Variants in CATSPER3 observed in about 807,000 individuals in gnomAD.
The protein encoded by CATSPER3 is cation channel sperm associated 3.
In CATSPER3, 23 loss-of-function variants were observed where a neutral mutation model predicts 36.6. That is an observed-to-expected ratio of 0.63 (90% CI 0.45 to 0.89). CATSPER3 has a LOEUF of 0.89. CATSPER3 is among the 40% of genes least tolerant of loss of function. CATSPER3 has a pLI of 0.00. For missense variants in CATSPER3, 474 were observed against 503.9 expected (o/e 0.94, Z 0.57); for synonymous variants, 172 against 184.1 (o/e 0.93, Z 0.53).
intron 2 of CATSPER3, among the ~76,000 whole-genome samples, chr5:134,971,445 G>A (rs544742360): frequency 6.6e-6 from 1 of 152,036 alleles, no homozygotes; most frequent in African/African-American, 2.4e-5. Context: ...AAAAACCAGA[G>A]CAACTAGGTA....
chr5:135,000,347 T>C (rs951107720), intron 3 of CATSPER3, among the ~76,000 whole-genome samples: 12 of 152,250 alleles, frequency 7.9e-5, no homozygotes, highest in South Asian at 2.1e-4. Flanking sequence ...GATTTTTGCA[T>C]TGATGTTCAT....
intron 3 of CATSPER3, among the ~76,000 whole-genome samples, chr5:135,007,506 G>A (rs1053163202): frequency 1.3e-5 from 2 of 152,182 alleles, no homozygotes; most frequent in African/African-American, 4.8e-5. Context: ...GGACCAGGGA[G>A]CCACATTCCT....
chr5:134,980,689 A>G (rs1190455515), intron 2 of CATSPER3, among the ~76,000 whole-genome samples: 3 of 151,702 alleles, frequency 2.0e-5, no homozygotes, highest in Non-Finnish European at 4.4e-5. Flanking sequence ...TCAGCCTCCC[A>G]AAGTGCTGAG....
In CATSPER3 at chr5:134,999,609, T is replaced by G. The variant is rs140418102; in HGVS notation, c.492+3097T>G. On this transcript the variant is annotated intron_variant, in intron 3 of 7. Transcript: ENST00000282611. Reference sequence around the variant, plus strand: ...CTGGGCAGTGGTTTGTAGTTCTCCTTGAAGAAGTCCTTCACATCCCTTGTA... The same window carrying G: ...CTGGGCAGTGGTTTGTAGTTCTCCTGGAAGAAGTCCTTCACATCCCTTGTA... Among the ~76,000 whole-genome samples, 124 of 152,372 alleles carry G rather than the reference T, an allele frequency of 8.1e-4. No homozygotes were observed. The East Asian group carries it at 0.024, about 29-fold the overall frequency.
chr5:135,005,976 G>A (rs1369972667), intron 3 of CATSPER3, among the ~76,000 whole-genome samples: 2 of 152,204 alleles, frequency 1.3e-5, no homozygotes, highest in African/African-American at 2.4e-5. Context: ...CAGGGCTGTG[G>A]CTTGATCCAG....
intron 2 of CATSPER3, among the ~76,000 whole-genome samples, chr5:134,985,850 GACTGTGTC>G (rs2149548293): frequency 6.6e-6 from 1 of 151,804 alleles, no homozygotes; most frequent in South Asian, 2.1e-4. Context: ...AGTGAGCCAT[GACTGTGTC>G]ACTGCACTCC....
At chr5:134,994,533 C>A (rs546498324) in intron 2 of CATSPER3, among the ~76,000 whole-genome samples, 61 of 152,206 alleles carry the variant, frequency 4.0e-4, no homozygotes, top group Non-Finnish European at 7.9e-4. Flanking sequence ...TCCTACAACG[C>A]AGTAATTCCA....
At chr5:134,995,845 T>C (rs1176745633) in intron 2 of CATSPER3, 2 of 254,036 alleles carry the variant, frequency 7.9e-6, no homozygotes, top group Non-Finnish European at 1.6e-5. Flanking sequence ...CAGAAACAGA[T>C]TGAATATGTA....
At chr5:135,009,615 G>GT in intron 6 of CATSPER3, 125 bp downstream of exon 6, 28 of 52,872 alleles carry the variant, frequency 5.3e-4, no homozygotes, top group Non-Finnish European at 8.5e-4. Context: ...TGCAGCCTTA[G>GT]GTAAGACAGC....
chr5:134,967,948 T>G lies in CATSPER3; in HGVS notation c.-44T>G. The G allele has an allele frequency of 7.0e-7, 1 of 1,428,636 alleles. No homozygotes were observed. Among genetic ancestry groups the G allele is most frequent in the Admixed American group, 1.7e-5 (1 of 59,786 alleles). 88.5% of individuals were successfully genotyped at this position (1,428,636 alleles called of 1,614,324 possible). A position where few individuals can be genotyped will look rare whatever the true frequency, so the allele number is the denominator to read the frequency against. ...GGAAAATCCCTAAGCAGAGATTTTC[T>G]GTTGGATGCTAAAAGCAAGGAATAA... On this transcript the variant is annotated 5_prime_UTR_variant, in exon 1 of 8. Transcript: ENST00000282611.
In CATSPER3 at chr5:134,969,921, C is replaced by T. The variant is rs758393074; in HGVS notation, c.99-18C>T. The T allele has an allele frequency of 6.2e-7, 1 of 1,613,932 alleles. No homozygotes were observed. Among genetic ancestry groups the T allele is most frequent in the Non-Finnish European group, 8.5e-7 (1 of 1,179,860 alleles). The stretch of plus-strand genomic sequence containing the variant: ...TCTATTGTGCTGTAACCATACTTCA[C>T]ATTCAACTTTTTGACAGGAGGAACG... On this transcript the variant is annotated intron_variant, in intron 1 of 7. Coordinates refer to ENST00000282611, the MANE Select transcript of CATSPER3 (RefSeq NM_178019.3).
chr5:134,973,177 C>A (rs897811624), intron 2 of CATSPER3, among the ~76,000 whole-genome samples: 1 of 152,116 alleles, frequency 6.6e-6, no homozygotes, highest in Non-Finnish European at 1.5e-5. Context: ...GAAGCATCAA[C>A]ATTAGGACTG....
chr5:135,010,515 A>T lies in CATSPER3; in HGVS notation c.1079A>T (p.Asp360Val). ...DIYFSTLDYQ[D>V]TTVHKLQELY... ...TACTTTTCCACTCTGGACTACCAGGACACAACTGTCCACAAGTCAGTTCCA... is the reference window on the plus strand; with the variant it reads ...TACTTTTCCACTCTGGACTACCAGGTCACAACTGTCCACAAGTCAGTTCCA... Residue 360 changes from aspartate to valine, a missense_variant, in exon 7 of 8, where the codon GAC becomes GTC. Coordinates refer to ENST00000282611, the MANE Select transcript of CATSPER3 (RefSeq NM_178019.3). 6.2e-7 allele frequency: 1 copy of T among 1,614,146 alleles called. No homozygotes were observed. Among genetic ancestry groups the T allele is most frequent in the Non-Finnish European group, 8.5e-7 (1 of 1,179,984 alleles).
At position 134,996,465 on chromosome 5, in the gene CATSPER3, C is replaced by T; in HGVS notation, c.445C>T (p.Gln149Ter). The change falls in exon 3 of 8, where the codon CAG becomes TAG. Residue 149 changes from glutamine (Q) to a stop codon, truncating the protein, a stop_gained. Coordinates refer to ENST00000282611, the MANE Select transcript of CATSPER3 (RefSeq NM_178019.3). LOFTEE classifies it high-confidence loss of function. The part of the protein sequence containing the change: ...FTYLYIADGM[Q>*]SLRILKLIGY... ...TTACCTGTATATCGCTGATGGCATG[C>T]AGTCCCTGCGCATCCTCAAGCTTAT... 6.2e-7 allele frequency: 1 copy of T among 1,614,154 alleles called. No individual in the cohort carries two copies. The highest frequency in any genetic ancestry group is 1.3e-5 in the African/African-American group (1 of 75,070).
chr5:135,008,919 A>C lies in CATSPER3; in HGVS notation c.754A>C (p.Ile252Leu), dbSNP rs745679710. The C allele has an allele frequency of 6.2e-7, 1 of 1,613,960 alleles. No homozygotes were observed. The highest frequency in any genetic ancestry group is 8.5e-7 in the Non-Finnish European group (1 of 1,179,938). Reference sequence around the variant, plus strand: ...GAGCCGGGCATTCACCATCATCTTCATCTTGCTCGCCTCTTTCATCTTCCT... The same window carrying C: ...GAGCCGGGCATTCACCATCATCTTCCTCTTGCTCGCCTCTTTCATCTTCCT... ...ALSRAFTIIF[I>L]LLASFIFLNM... Residue 252 changes from isoleucine to leucine, a missense_variant, in exon 5 of 8, where the codon ATC becomes CTC. By Grantham distance (5) the Ile-to-Leu change is conservative (BLOSUM62 2). Coordinates refer to ENST00000282611, the MANE Select transcript of CATSPER3 (RefSeq NM_178019.3).
rs1296567567 is a variant in CATSPER3 at position 135,009,397 on chromosome 5, G to A, written c.843G>A (p.Glu281=). The part of the protein sequence containing the change: ...TEDSIRKFER[E]LMLEQQEMLM... ...ACTCCATCAGAAAGTTTGAGCGAGA[G>A]CTGATGTTGGAGCAGCAGGAGATGC... Residue 281 remains glutamate, a synonymous_variant, in exon 6 of 8, where the codon GAG becomes GAA. Coordinates refer to ENST00000282611, the MANE Select transcript of CATSPER3 (RefSeq NM_178019.3). The A allele has an allele frequency of 6.2e-7, 1 of 1,613,362 alleles. No individual in the cohort carries two copies. Among genetic ancestry groups the A allele is most frequent in the Non-Finnish European group, 8.5e-7 (1 of 1,179,662 alleles).
intron 3 of CATSPER3, among the ~76,000 whole-genome samples, chr5:134,998,108 C>G (rs1421231622): frequency 6.6e-6 from 1 of 152,004 alleles, no homozygotes; most frequent in African/African-American, 2.4e-5. Context: ...TGTGATGTTC[C>G]CCTTCCTGGG....
intron 4 of CATSPER3, 94 bp from the exon 5 acceptor site, chr5:135,008,747 T>A (rs1427010065): frequency 1.8e-6 from 2 of 1,088,406 alleles, no homozygotes; most frequent in South Asian, 1.3e-5. Context: ...GCCACCCTTC[T>A]CCTCAGTGGG....
At chr5:135,005,458 A>T (rs1752074413) in intron 3 of CATSPER3, among the ~76,000 whole-genome samples, 3 of 152,158 alleles carry the variant, frequency 2.0e-5, no homozygotes, top group Non-Finnish European at 4.4e-5. Context: ...TTGGGATGTC[A>T]TGGGACCCTA....
Sources: allele counts gnomAD v4.1 joint callset (sites outside exome capture counted in the v4.1 genomes callset), GRCh38; gene constraint gnomAD v4.1.1; transcripts MANE v1.5; gene names NCBI Gene and HGNC (gene_info 2026-07-23, HGNC 2026-07-21).